The following LINGO2 variants were observed in gnomAD, a reference collection of about 807,000 sequenced individuals.
LINGO2 encodes the protein leucine rich repeat and Ig domain containing 2, also known as leucine-rich repeat and immunoglobulin-like domain-containing nogo receptor-interacting protein 2.
In LINGO2, 14 loss-of-function variants were observed where a neutral mutation model predicts 30.6. That is an observed-to-expected ratio of 0.46 (90% CI 0.30 to 0.72). The LOEUF (loss-of-function observed/expected upper bound fraction) is 0.72, where lower values mean the gene tolerates loss of function less well. LINGO2 is among the 30% of genes least tolerant of loss of function. LINGO2 has a pLI of 0.07. For missense variants in LINGO2, 729 were observed against 751.7 expected, an observed-to-expected ratio of 0.97 and a Z score of 0.35; for synonymous variants, 317 against 288.5, an observed-to-expected ratio of 1.10 and a Z score of -1.00.
intron 5 of LINGO2, among the ~76,000 whole-genome samples, chr9:27,984,910 A>G (rs1363104133): frequency 2.0e-5 from 3 of 151,902 alleles, no homozygotes; most frequent in Non-Finnish European, 2.9e-5. Context: ...ATCACAGTAT[A>G]TTTTAGGCAG....
intron 4 of LINGO2, among the ~76,000 whole-genome samples, chr9:28,213,390 C>A (rs1020497923): frequency 6.6e-6 from 1 of 151,298 alleles, no homozygotes; most frequent in African/African-American, 2.4e-5. Flanking sequence ...CACAAAAATA[C>A]AGAAAATGAA....
At chr9:28,656,499 C>T (rs192893465) in intron 1 of LINGO2, among the ~76,000 whole-genome samples, 8 of 151,964 alleles carry the variant, frequency 5.3e-5, no homozygotes, top group East Asian at 3.9e-4. Context: ...TATACCAAAA[C>T]GCATAACTGA....
chr9:28,419,096 T>G (rs887463360), intron 2 of LINGO2, among the ~76,000 whole-genome samples: 2 of 152,096 alleles, frequency 1.3e-5, no homozygotes, highest in Non-Finnish European at 2.9e-5. Flanking sequence ...AGAATTAATA[T>G]GTCATATATT....
the LINGO2 span, among the ~76,000 whole-genome samples, chr9:28,881,843 C>T: frequency 1.3e-5 from 2 of 152,200 alleles, no homozygotes; most frequent in Admixed American, 1.3e-4. Flanking sequence ...TGTGTTGTTC[C>T]CCACCACGTG....
chr9:28,082,767 C>G (rs1825807864), intron 4 of LINGO2, among the ~76,000 whole-genome samples: 1 of 152,164 alleles, frequency 6.6e-6, no homozygotes, highest in African/African-American at 2.4e-5. Flanking sequence ...ATCTCTTTCT[C>G]TCCCTCTGCG....
intron 4 of LINGO2, among the ~76,000 whole-genome samples, chr9:28,269,005 TCTTCCTGGA>T (rs1220931718): frequency 2.0e-5 from 3 of 152,034 alleles, no homozygotes; most frequent in African/African-American, 7.2e-5. Context: ...TGCATGCTGT[TCTTCCTGGA>T]CTCCCTCTCT....
the LINGO2 span, among the ~76,000 whole-genome samples, chr9:28,703,693 T>C: frequency 2.0e-5 from 3 of 152,010 alleles, no homozygotes; most frequent in South Asian, 2.1e-4. Context: ...TTAAAAGGCA[T>C]TGAACATTTT....
At chr9:29,062,758 T>G in the LINGO2 span, among the ~76,000 whole-genome samples, 1 of 149,490 alleles carries the variant, frequency 6.7e-6, no homozygotes, top group Admixed American at 6.7e-5. Context: ...AGATGGATAG[T>G]GATGATGGTT....
the LINGO2 span, among the ~76,000 whole-genome samples, chr9:28,705,741 G>A: frequency 6.6e-6 from 1 of 152,218 alleles, no homozygotes; most frequent in East Asian, 1.9e-4. Flanking sequence ...TCTCAGACTT[G>A]TCCACACCAA....
chr9:29,161,808 A>T, the LINGO2 span, among the ~76,000 whole-genome samples: 3 of 152,196 alleles, frequency 2.0e-5, no homozygotes, highest in Non-Finnish European at 4.4e-5. Flanking sequence ...TAAAAACTAT[A>T]AGGGTTTTAC....
chr9:29,175,550 G>T, the LINGO2 span, among the ~76,000 whole-genome samples: 1 of 138,306 alleles, frequency 7.2e-6, no homozygotes, highest in African/African-American at 2.7e-5. Flanking sequence ...TTTTTGAGAC[G>T]GAGTCTCGTT....
At chr9:28,506,546 C>T (rs1216686643) in intron 1 of LINGO2, among the ~76,000 whole-genome samples, 4 of 82,818 alleles carry the variant, frequency 4.8e-5, no homozygotes, top group Non-Finnish European at 7.7e-5. Context: ...TAAGTGCCCT[C>T]TATTTCTAGT....
intron 2 of LINGO2, among the ~76,000 whole-genome samples, chr9:28,459,680 G>A (rs191828345): frequency 7.0e-4 from 106 of 151,474 alleles, no homozygotes; most frequent in Admixed American, 5.3e-4. Flanking sequence ...CAATATTCTC[G>A]GTCCATAGAT....
At chr9:29,010,320 C>T in the LINGO2 span, among the ~76,000 whole-genome samples, 1 of 152,032 alleles carries the variant, frequency 6.6e-6, no homozygotes, top group Non-Finnish European at 1.5e-5. Flanking sequence ...ACAGAGAAAG[C>T]TGTAATACTT....
chr9:28,610,080 G>T (rs1190554656), intron 1 of LINGO2, among the ~76,000 whole-genome samples: 1 of 151,264 alleles, frequency 6.6e-6, no homozygotes, highest in Non-Finnish European at 1.5e-5. Flanking sequence ...GGAAGGTAGA[G>T]ACAGAGGCAG....
intron 4 of LINGO2, among the ~76,000 whole-genome samples, chr9:28,160,939 C>T (rs1828268661): frequency 6.6e-6 from 1 of 152,120 alleles, no homozygotes; most frequent in Non-Finnish European, 1.5e-5. Flanking sequence ...GACACCCATG[C>T]TCCTGAACAG....
the LINGO2 span, among the ~76,000 whole-genome samples, chr9:28,915,592 G>A: frequency 2.0e-5 from 3 of 152,124 alleles, no homozygotes; most frequent in Admixed American, 2.0e-4. Flanking sequence ...CAATAGTATT[G>A]AAATAGACTT....
chr9:28,837,590 T>C, the LINGO2 span, among the ~76,000 whole-genome samples: 4 of 145,450 alleles, frequency 2.8e-5, no homozygotes, highest in Admixed American at 2.1e-4. Context: ...GAGGTTGTGG[T>C]GAGCCAAGAT....
chr9:29,182,642 ATT>A, the LINGO2 span, among the ~76,000 whole-genome samples: 2 of 152,026 alleles, frequency 1.3e-5, no homozygotes, highest in African/African-American at 4.8e-5. Context: ...TGGTTTAAGC[ATT>A]CCACCTGTTA....
Sources: allele counts gnomAD v4.1 joint callset (sites outside exome capture counted in the v4.1 genomes callset), GRCh38; gene constraint gnomAD v4.1.1; transcripts MANE v1.5; gene names NCBI Gene and HGNC (gene_info 2026-07-23, HGNC 2026-07-21).